The following DACH1 variants were observed in gnomAD, a reference collection of about 807,000 sequenced individuals.
DACH1 encodes the protein dachshund homolog 1.
In DACH1, 12 loss-of-function variants were observed where a neutral mutation model predicts 54.2. The observed-to-expected ratio is 0.22, with a 90% CI of 0.14 to 0.36. The LOEUF is 0.36. Among genes scored for constraint, DACH1 ranks in the 10% least tolerant of loss-of-function variants. The pLI is 1.00. For synonymous variants in DACH1, 386 were observed against 366.2 expected, an observed-to-expected ratio of 1.05 and a Z score of -0.62; for missense variants, 805 against 929.8, an observed-to-expected ratio of 0.87 and a Z score of 1.75.
At chr13:71,776,347 G>C (rs1343891517) in intron 1 of DACH1, among the ~76,000 whole-genome samples, 2 of 152,072 alleles carry the variant, frequency 1.3e-5, no homozygotes, top group African/African-American at 2.4e-5. Context: ...TCAGATTATA[G>C]AAGTGAGAGT....
At chr13:71,788,280 T>A (rs531935065) in intron 1 of DACH1, among the ~76,000 whole-genome samples, 1 of 151,966 alleles carries the variant, frequency 6.6e-6, no homozygotes, top group African/African-American at 2.4e-5. Flanking sequence ...AACAAAGAGG[T>A]GGGATTAGAG....
At chr13:71,841,061 C>T (rs370712210) in intron 1 of DACH1, among the ~76,000 whole-genome samples, 92 of 152,248 alleles carry the variant, frequency 6.0e-4, no homozygotes, top group East Asian at 3.1e-3. Flanking sequence ...TATTCATTTT[C>T]CTGGCAGCTG....
chr13:71,545,149 C>T (rs981917428), intron 6 of DACH1, among the ~76,000 whole-genome samples: 3 of 151,956 alleles, frequency 2.0e-5, no homozygotes, highest in East Asian at 3.9e-4. Context: ...GAATTTTTAC[C>T]GATGAAGAAA....
intron 8 of DACH1, among the ~76,000 whole-genome samples, chr13:71,477,076 A>ATT (rs1463979377): frequency 7.3e-4 from 49 of 67,282 alleles, no homozygotes; most frequent in Non-Finnish European, 1.3e-3. Context: ...TCCTGTTTTT[A>ATT]TTATTATATA....
At chr13:71,457,850 C>T (rs1875717997) in intron 10 of DACH1, among the ~76,000 whole-genome samples, 1 of 151,862 alleles carries the variant, frequency 6.6e-6, no homozygotes, top group South Asian at 2.1e-4. Context: ...CCAATGCCTG[C>T]TTCATATCTC....
intron 1 of DACH1, among the ~76,000 whole-genome samples, chr13:71,762,855 T>C (rs1182755124): frequency 6.6e-6 from 1 of 151,772 alleles, no homozygotes; most frequent in Non-Finnish European, 1.5e-5. Flanking sequence ...TAAAATTTGG[T>C]ACTATTAATA....
chr13:71,490,019 A>G (rs1013191724), intron 6 of DACH1, among the ~76,000 whole-genome samples: 11 of 152,168 alleles, frequency 7.2e-5, no homozygotes, highest in African/African-American at 2.7e-4. Context: ...ACAGTTTCAC[A>G]TAAGATAGAT....
intron 3 of DACH1, among the ~76,000 whole-genome samples, chr13:71,586,611 T>C (rs1236551115): frequency 6.6e-6 from 1 of 152,084 alleles, no homozygotes; most frequent in Non-Finnish European, 1.5e-5. Flanking sequence ...CTCTCAAAAA[T>C]GACAATATAT....
intron 3 of DACH1, among the ~76,000 whole-genome samples, chr13:71,603,368 A>T (rs1874643885): frequency 6.6e-6 from 1 of 151,996 alleles, no homozygotes; most frequent in Admixed American, 6.6e-5. Context: ...TTTTAATGAC[A>T]TACTTTCTAC....
intron 1 of DACH1, among the ~76,000 whole-genome samples, chr13:71,724,536 T>C (rs1489496772): frequency 6.6e-6 from 1 of 152,170 alleles, no homozygotes; most frequent in Non-Finnish European, 1.5e-5. Flanking sequence ...TCAAAATAAC[T>C]TGGAAACACT....
At chr13:71,817,841 G>C (rs1888024496) in intron 1 of DACH1, among the ~76,000 whole-genome samples, 1 of 140,150 alleles carries the variant, frequency 7.1e-6, no homozygotes, top group Non-Finnish European at 1.5e-5. Flanking sequence ...TTGAGACAGG[G>C]TCTCGCTCTG....
chr13:71,566,301 C>A (rs1884891420), intron 4 of DACH1, among the ~76,000 whole-genome samples: 1 of 152,156 alleles, frequency 6.6e-6, no homozygotes, highest in South Asian at 2.1e-4. Flanking sequence ...GGGGGTACGA[C>A]TACTTCATAG....
chr13:71,581,207 A>G (rs1872827632), intron 3 of DACH1, among the ~76,000 whole-genome samples: 2 of 152,170 alleles, frequency 1.3e-5, no homozygotes, highest in Non-Finnish European at 2.9e-5. Flanking sequence ...GTTATGGAGC[A>G]GCTTATGATA....
rs553128213 is a variant in DACH1 at position 71,551,577 on chromosome 13, G to A, written c.1570+5447C>T. The stretch of plus-strand genomic sequence containing the variant: ...TCTTTCTGTACTTGGCTTATCTCAC[G>A]TAACACAATGACCTGTAGTTCCATT... On this transcript the variant is annotated intron_variant, in intron 6 of 10. Transcript: ENST00000613252. 2.6e-5 allele frequency among the ~76,000 whole-genome samples: 4 copies of A among 152,134 alleles called. No individual in the cohort carries two copies. In the East Asian group the frequency reaches 7.8e-4, roughly 29 times the overall value.
At chr13:71,464,371 C>A (rs1301158051) in intron 10 of DACH1, among the ~76,000 whole-genome samples, 2 of 151,806 alleles carry the variant, frequency 1.3e-5, no homozygotes, top group Non-Finnish European at 2.9e-5. Flanking sequence ...ATACTGAATG[C>A]AAAATAATAT....
intron 1 of DACH1, among the ~76,000 whole-genome samples, chr13:71,821,990 G>C (rs1309598967): frequency 4.6e-5 from 7 of 152,086 alleles, no homozygotes; most frequent in African/African-American, 1.7e-4. Context: ...GAACCCGAAA[G>C]GCAGAGGTTG....
At chr13:71,446,685 T>C (rs1874497137) in intron 10 of DACH1, among the ~76,000 whole-genome samples, 1 of 152,172 alleles carries the variant, frequency 6.6e-6, no homozygotes, top group Admixed American at 6.5e-5. Flanking sequence ...GTCTTTGACA[T>C]ACAGAATTAT....
At position 71,659,697 on chromosome 13, in the gene DACH1, C is replaced by CT. The variant is rs557503539; in HGVS notation, c.964+22097dup. 2.8e-3 allele frequency among the ~76,000 whole-genome samples: 417 copies of CT among 151,130 alleles called. 2 individuals are homozygous for CT. The highest frequency in any genetic ancestry group is 3.3e-3 in the Non-Finnish European group (224 of 67,644). On this transcript the variant is annotated intron_variant, in intron 2 of 10. Transcript: ENST00000613252. The stretch of plus-strand genomic sequence containing the variant: ...TTTAGGCTCCTCTGTTGGGGATTTT[C>CT]TTTTTTTTTGACATGTTTTAAGGCA...
rs369952352 is a variant in DACH1 at position 71,600,100 on chromosome 13, T to C, written c.1127-27088A>G. 5.6e-4 allele frequency among the ~76,000 whole-genome samples: 85 copies of C among 152,148 alleles called. 1 individual carries two copies. The East Asian group carries it at 0.013, about 24-fold the overall frequency. Reference sequence around the variant, plus strand: ...GGAACTATAATTGTTTATCACCAAATACAACTAAAATATTCAGATATGCTT... The same window carrying C: ...GGAACTATAATTGTTTATCACCAAACACAACTAAAATATTCAGATATGCTT... On this transcript the variant is annotated intron_variant, in intron 3 of 10. Coordinates refer to ENST00000613252, the MANE Select transcript of DACH1 (RefSeq NM_080759.6).
Sources: allele counts gnomAD v4.1 joint callset (sites outside exome capture counted in the v4.1 genomes callset), GRCh38; gene constraint gnomAD v4.1.1; transcripts MANE v1.5; gene names NCBI Gene and HGNC (gene_info 2026-07-23, HGNC 2026-07-21).